Variants in ROR1 observed in about 807,000 individuals in gnomAD.
The protein encoded by ROR1 is inactive tyrosine-protein kinase transmembrane receptor ROR1.
ROR1 carries 19 observed loss-of-function variants against 78.8 expected under a neutral mutation model. That is an observed-to-expected ratio of 0.24 (90% CI 0.17 to 0.35). The LOEUF is 0.35. Among genes scored for constraint, ROR1 ranks in the 10% least tolerant of loss-of-function variants. The probability of loss-of-function intolerance (pLI) is 1.00; values close to 1 mark genes in which losing one functional copy is unlikely to be tolerated. For synonymous variants in ROR1, 386 were observed against 433.6 expected, an observed-to-expected ratio of 0.89 and a Z score of 1.36; for missense variants, 917 against 1,177.8, an observed-to-expected ratio of 0.78 and a Z score of 3.24.
At chr1:63,920,534 A>G (rs796908934) in intron 1 of ROR1, among the ~76,000 whole-genome samples, 20 of 152,300 alleles carry the variant, frequency 1.3e-4, no homozygotes, top group African/African-American at 3.1e-4. Context: ...CCATCACGCC[A>G]TTCTCCACCA....
chr1:64,077,679 C>T (rs759065069), intron 4 of ROR1, among the ~76,000 whole-genome samples: 28 of 152,260 alleles, frequency 1.8e-4, no homozygotes, highest in Admixed American at 7.8e-4. Context: ...AGATCCAGCA[C>T]GGTGGTTCTC....
At chr1:63,859,051 T>C (rs781382637) in intron 1 of ROR1, among the ~76,000 whole-genome samples, 11 of 152,218 alleles carry the variant, frequency 7.2e-5, no homozygotes, top group Non-Finnish European at 1.3e-4. Context: ...CTGCCCCTTC[T>C]GTTGTGTGTG....
chr1:63,868,392 G>A (rs922421457), intron 1 of ROR1, among the ~76,000 whole-genome samples: 2 of 152,174 alleles, frequency 1.3e-5, no homozygotes, highest in Non-Finnish European at 1.5e-5. Flanking sequence ...AGAGAAATAT[G>A]AGGCAGAGGG....
intron 1 of ROR1, among the ~76,000 whole-genome samples, chr1:63,928,796 T>C (rs1468667423): frequency 6.6e-6 from 1 of 152,204 alleles, no homozygotes; most frequent in Non-Finnish European, 1.5e-5. Context: ...AATAAAGCTC[T>C]TAGAACAGTG....
At chr1:64,002,075 G>T (rs1318720298) in intron 1 of ROR1, among the ~76,000 whole-genome samples, 1 of 150,218 alleles carries the variant, frequency 6.7e-6, no homozygotes, top group Non-Finnish European at 1.5e-5. Flanking sequence ...TTGTGGTCAT[G>T]TACTCCTCTC....
intron 4 of ROR1, among the ~76,000 whole-genome samples, chr1:64,088,125 T>G (rs1344764895): frequency 2.0e-5 from 3 of 152,236 alleles, no homozygotes; most frequent in African/African-American, 7.2e-5. Flanking sequence ...GGGCACATTT[T>G]AGTTCAGTCT....
intron 4 of ROR1, among the ~76,000 whole-genome samples, chr1:64,090,820 T>C (rs930611883): frequency 3.3e-5 from 5 of 152,146 alleles, no homozygotes; most frequent in African/African-American, 1.2e-4. Context: ...TTGCCCTTTT[T>C]TCCCTGGTGG....
intron 1 of ROR1, among the ~76,000 whole-genome samples, chr1:63,834,003 T>TTTTG (rs1553135718): frequency 2.0e-5 from 3 of 151,334 alleles, no homozygotes; most frequent in Non-Finnish European, 4.4e-5. Context: ...TTTTTTTTTT[T>TTTTG]TTTGTTTGTT....
intron 1 of ROR1, among the ~76,000 whole-genome samples, chr1:63,991,120 T>C (rs1199538060): frequency 2.6e-5 from 4 of 151,798 alleles, no homozygotes; most frequent in African/African-American, 4.8e-5. Context: ...TTTTGTTTTG[T>C]TTTGCTTTTT....
chr1:63,842,807 A>G (rs892078306), intron 1 of ROR1, among the ~76,000 whole-genome samples: 5 of 152,054 alleles, frequency 3.3e-5, no homozygotes, highest in African/African-American at 1.2e-4. Flanking sequence ...ATTTATACAC[A>G]GAACTGAACA....
intron 1 of ROR1, among the ~76,000 whole-genome samples, chr1:63,984,646 C>A (rs75562826): frequency 0.013 from 2,016 of 152,258 alleles, 44 homozygotes; most frequent in African/African-American, 0.047. Context: ...TTTAAGGGCT[C>A]GTGCAGCCTT....
chr1:64,129,493 G>A (rs1648837126), intron 4 of ROR1, among the ~76,000 whole-genome samples: 1 of 152,164 alleles, frequency 6.6e-6, no homozygotes, highest in Non-Finnish European at 1.5e-5. Context: ...CACATCCAAG[G>A]GGTCTCTAAT....
chr1:63,981,295 CCTCCTCAG>C (rs1646208031), intron 1 of ROR1, among the ~76,000 whole-genome samples: 1 of 152,070 alleles, frequency 6.6e-6, no homozygotes, highest in Non-Finnish European at 1.5e-5. Flanking sequence ...AGTCTAACAG[CCTCCTCAG>C]CTCCTGCCCT....
Position 64,098,602 on chromosome 1 carries a change from C to A in ROR1, c.483-38767C>A, listed in dbSNP as rs150850193. Among the ~76,000 whole-genome samples, 399 of 152,140 alleles carry A rather than the reference C, an allele frequency of 2.6e-3. 1 individual carries two copies. Among genetic ancestry groups the A allele is most frequent in the African/African-American group, 9.4e-3 (389 of 41,508 alleles). On this transcript the variant is annotated intron_variant, in intron 4 of 8. Transcript: ENST00000371079. ...TTGGTATGAGTCTGTGTAATTTGTC[C>A]CATGTTGTCACAGTTGTCAGTCACA...
At chr1:64,014,697 T>A (rs1646502756) in intron 2 of ROR1, among the ~76,000 whole-genome samples, 1 of 78,498 alleles carries the variant, frequency 1.3e-5, no homozygotes, top group Non-Finnish European at 2.8e-5. Flanking sequence ...TGCAAATAGT[T>A]CTCTGTGCTG....
intron 1 of ROR1, among the ~76,000 whole-genome samples, chr1:63,826,853 G>A (rs149875965): frequency 6.6e-6 from 1 of 152,166 alleles, no homozygotes; most frequent in African/African-American, 2.4e-5. Context: ...TGACTGGTGT[G>A]AGATGGTATC....
chr1:63,900,656 C>T (rs1645478036), intron 1 of ROR1, among the ~76,000 whole-genome samples: 1 of 151,746 alleles, frequency 6.6e-6, no homozygotes, highest in Non-Finnish European at 1.5e-5. Context: ...ATATTAAAAA[C>T]CATAGAGAAA....
At chr1:64,044,937 G>C (rs1447951714) in intron 2 of ROR1, among the ~76,000 whole-genome samples, 2 of 152,132 alleles carry the variant, frequency 1.3e-5, no homozygotes, top group African/African-American at 4.8e-5. Flanking sequence ...AGATAAGTAA[G>C]GGTGTCCACA....
chr1:63,884,819 CT>C (rs1645346106), intron 1 of ROR1, among the ~76,000 whole-genome samples: 1 of 151,028 alleles, frequency 6.6e-6, no homozygotes, highest in South Asian at 2.1e-4. Context: ...AAGTGCCTGA[CT>C]TGTGTTTTGG....
Sources: allele counts gnomAD v4.1 joint callset (sites outside exome capture counted in the v4.1 genomes callset), GRCh38; gene constraint gnomAD v4.1.1; transcripts MANE v1.5; gene names NCBI Gene and HGNC (gene_info 2026-07-23, HGNC 2026-07-21).